RPTOR: variants seen among roughly 807,000 people sequenced by gnomAD.
RPTOR encodes the protein regulatory-associated protein of mTOR.
Under a neutral mutation model 169.9 loss-of-function variants are expected in RPTOR, and 21 were observed. The ratio of observed to expected loss-of-function variants is 0.12; its 90% CI spans 0.09 to 0.18. RPTOR has a LOEUF of 0.18. Ranked by LOEUF, RPTOR falls within the 10% of genes least tolerant of loss-of-function variation. The pLI, the probability that RPTOR is intolerant of heterozygous loss-of-function variation, is 1.00. For missense variants in RPTOR, 1,133 were observed against 1,855.9 expected, an observed-to-expected ratio of 0.61 and a Z score of 7.16; for synonymous variants, 732 against 753.2, an observed-to-expected ratio of 0.97 and a Z score of 0.46.
chr17:80,851,038 C>T (rs1215247752), intron 11 of RPTOR, among the ~76,000 whole-genome samples: 1 of 152,348 alleles, frequency 6.6e-6, no homozygotes, highest in East Asian at 1.9e-4. Flanking sequence ...AGGCCACCCT[C>T]CTGACTCAGC....
At chr17:80,550,523 AC>A (rs2084331779) in intron 1 of RPTOR, among the ~76,000 whole-genome samples, 1 of 151,608 alleles carries the variant, frequency 6.6e-6, no homozygotes. Context: ...TGATGCTTAA[AC>A]CCCCAATCTT....
chr17:80,686,709 C>G (rs191081419), intron 3 of RPTOR, among the ~76,000 whole-genome samples: 4 of 152,088 alleles, frequency 2.6e-5, no homozygotes, highest in Middle Eastern at 3.2e-3. Context: ...CTCAAGCACT[C>G]CACTAAATAT....
intron 12 of RPTOR, among the ~76,000 whole-genome samples, chr17:80,857,380 A>G (rs71389776): frequency 3.3e-5 from 5 of 150,712 alleles, no homozygotes; most frequent in Non-Finnish European, 7.4e-5. Context: ...AGAGGTGGCC[A>G]TGCCGTCACG....
At chr17:80,892,661 A>G (rs745538037) in intron 18 of RPTOR, 68 bp from the exon 19 acceptor site, 40 of 1,552,976 alleles carry the variant, frequency 2.6e-5, no homozygotes, top group African/African-American at 4.1e-5. Flanking sequence ...CCAGCTGCTG[A>G]GTGTCAGAAG....
At chr17:80,795,989 T>G (rs2067097652) in intron 7 of RPTOR, among the ~76,000 whole-genome samples, 2 of 152,196 alleles carry the variant, frequency 1.3e-5, no homozygotes, top group Non-Finnish European at 2.9e-5. Context: ...TGCCATCAGC[T>G]GAGGCACCTA....
In RPTOR at chr17:80,730,738, G is replaced by GGGTTT; in HGVS notation, c.654+38_654+42dup. On this transcript the variant is annotated intron_variant, in intron 5 of 33. Transcript: ENST00000306801. The surrounding 1 kb of genome is among the most constrained non-coding windows in gnomAD (Gnocchi z 4.2). ...GCTCTGGTGCTTGGAGAGCGGTGCT[G>GGGTTT]GGTTTGGTTTTGTTTTCCCTGGGGG... 2 of 1,576,702 alleles carry GGGTTT rather than the reference G, an allele frequency of 1.3e-6. No homozygotes were observed. Among genetic ancestry groups the GGGTTT allele is most frequent in the Non-Finnish European group, 1.7e-6 (2 of 1,155,160 alleles).
At chr17:80,777,547 GT>G (rs71892521) in intron 6 of RPTOR, among the ~76,000 whole-genome samples, 25 of 145,804 alleles carry the variant, frequency 1.7e-4, no homozygotes, top group South Asian at 4.3e-4. Context: ...GGCCTTTGTT[GT>G]TTTTTTTTTT....
chr17:80,904,999 C>T (rs567514240), intron 20 of RPTOR, among the ~76,000 whole-genome samples: 27 of 152,084 alleles, frequency 1.8e-4, no homozygotes, highest in African/African-American at 4.6e-4. Flanking sequence ...ACAACAATAG[C>T]GTTGGCCCTC....
intron 3 of RPTOR, among the ~76,000 whole-genome samples, chr17:80,648,676 C>T (rs1157615618): frequency 6.6e-6 from 1 of 152,134 alleles, no homozygotes; most frequent in African/African-American, 2.4e-5. Flanking sequence ...GGTATCAGCA[C>T]AAGTCACTCG....
chr17:80,585,141 T>C (rs2065047726), intron 1 of RPTOR, among the ~76,000 whole-genome samples: 1 of 151,544 alleles, frequency 6.6e-6, no homozygotes, highest in African/African-American at 2.4e-5. Flanking sequence ...TTTTATAATA[T>C]CCTGTTCTTG....
intron 22 of RPTOR, among the ~76,000 whole-genome samples, chr17:80,923,033 C>T (rs779472649): frequency 2.0e-5 from 3 of 152,218 alleles, no homozygotes; most frequent in Non-Finnish European, 4.4e-5. Context: ...TGAGCTCTCC[C>T]CATCTTGAGG....
At chr17:80,645,230 G>A (rs2065585276) in intron 3 of RPTOR, among the ~76,000 whole-genome samples, 1 of 152,128 alleles carries the variant, frequency 6.6e-6, no homozygotes, top group Admixed American at 6.5e-5. Flanking sequence ...GGGCAGAGTG[G>A]CAGTATTAGA....
intron 6 of RPTOR, among the ~76,000 whole-genome samples, chr17:80,766,111 A>C (rs779342051): frequency 1.3e-5 from 2 of 152,096 alleles, no homozygotes; most frequent in Non-Finnish European, 2.9e-5. Context: ...GCTGGAGTGC[A>C]GTGGTGTGAA....
chr17:80,762,764 A>G lies in RPTOR; in HGVS notation c.830+8579A>G, dbSNP rs192605765. On this transcript the variant is annotated intron_variant, in intron 6 of 33. Coordinates refer to ENST00000306801, the MANE Select transcript of RPTOR (RefSeq NM_020761.3). ...GAAGCTTGTTTGAGGAGTTCCCACCAAAGGGATGGAGCTAGAAGGAAGGGG... is the reference window on the plus strand; with the variant it reads ...GAAGCTTGTTTGAGGAGTTCCCACCGAAGGGATGGAGCTAGAAGGAAGGGG... Among the ~76,000 whole-genome samples the G allele has an allele frequency of 1.5e-3, 227 of 152,284 alleles. 3 individuals are homozygous for G. The Middle Eastern group carries it at 0.024, about 16-fold the overall frequency.
chr17:80,627,812 C>G (rs530566501), intron 2 of RPTOR, among the ~76,000 whole-genome samples: 1 of 151,510 alleles, frequency 6.6e-6, no homozygotes, highest in East Asian at 1.9e-4. Context: ...TGATTATTAG[C>G]TCATATGTTA....
chr17:80,895,250 G>A lies in RPTOR; in HGVS notation c.2401+1385G>A, dbSNP rs557161501. Among the ~76,000 whole-genome samples, 5 of 152,186 alleles carry A rather than the reference G, an allele frequency of 3.3e-5. No individual in the cohort carries two copies. In the South Asian group the frequency reaches 6.2e-4, roughly 19 times the overall value. On this transcript the variant is annotated intron_variant, in intron 20 of 33. Transcript: ENST00000306801. ...GGCATCGGTGGGGAAGCTCTTCTCC[G>A]GCATATGGTGGCCGCTCCCCTCTCA... is the stretch of plus-strand genomic sequence containing the variant.
chr17:80,925,257 C>T lies in RPTOR; in HGVS notation c.2809-113C>T, dbSNP rs530080312. 3.9e-5 allele frequency: 32 copies of T among 819,692 alleles called. 1 individual carries two copies. The East Asian group carries it at 6.3e-4, about 16-fold the overall frequency. 50.8% of individuals were successfully genotyped at this position (819,692 alleles called of 1,614,324 possible). A position where few individuals can be genotyped will look rare whatever the true frequency, so the allele number is the denominator to read the frequency against. ...ACAGAAGTGCCGTCCTTAGGGGCAG[C>T]CCGGTGCTCCCGGCAGCGCCTTTGT... On this transcript the variant is annotated intron_variant, in intron 23 of 33. Coordinates refer to ENST00000306801, the MANE Select transcript of RPTOR (RefSeq NM_020761.3).
chr17:80,697,129 G>T (rs1161249889), intron 3 of RPTOR, among the ~76,000 whole-genome samples: 4 of 152,122 alleles, frequency 2.6e-5, no homozygotes, highest in African/African-American at 9.7e-5. Flanking sequence ...AAGGTGAGGG[G>T]TTTTACTGAG....
chr17:80,602,668 A>C (rs2065198729), intron 1 of RPTOR: 1 of 706,538 alleles, frequency 1.4e-6, no homozygotes, highest in African/African-American at 1.7e-5. Flanking sequence ...CTGGATAACC[A>C]CGCACGGATG....
Sources: gnomAD v4.1 joint callset for allele counts (sites outside exome capture counted in the v4.1 genomes callset) on GRCh38, gnomAD v4.1.1 for gene constraint, Gnocchi (gnomAD v3.1) non-coding constraint, MANE v1.5 for transcripts, NCBI Gene and HGNC (gene_info 2026-07-23, HGNC 2026-07-21) for gene names.